Variants in NALCN observed in about 807,000 individuals in gnomAD.
NALCN encodes sodium leak channel NALCN.
In NALCN, 111 loss-of-function variants were observed where a neutral mutation model predicts 225.3. The ratio of observed to expected loss-of-function variants is 0.49; its 90% confidence interval spans 0.42 to 0.58. The LOEUF (loss-of-function observed/expected upper bound fraction) is 0.58. Ranked by LOEUF, NALCN falls within the 20% of genes least tolerant of loss-of-function variation. NALCN has a pLI of 0.00. For synonymous variants in NALCN, 764 were observed against 769.0 expected (o/e 0.99, Z 0.11); for missense variants, 1,378 against 2,202.4 (o/e 0.63, Z 7.49).
chr13:101,136,307 T>C (rs1314904868), intron 17 of NALCN, among the ~76,000 whole-genome samples: 1 of 52 alleles, frequency 0.019, no homozygotes, highest in Non-Finnish European at 0.033. Flanking sequence ...TATTTATTTA[T>C]TTATTTATAT....
chr13:101,397,066 T>TTATATA lies in NALCN; in HGVS notation c.109-1707_109-1702dup, dbSNP rs368771604. ...AAGAAGTAAAACACCTATGAATGTATTATATATATATATATATATATATAT... is the reference window on the plus strand; with the variant it reads ...AAGAAGTAAAACACCTATGAATGTATTATATATATATATATATATATATATATATAT... On this transcript the variant is annotated intron_variant, in intron 2 of 43. Transcript: ENST00000251127. Among the ~76,000 whole-genome samples the TTATATA allele has an allele frequency of 5.8e-3, 328 of 56,110 alleles. 1 individual carries two copies. The highest frequency in any genetic ancestry group is 0.01 in the Middle Eastern group (1 of 96). 36.8% of individuals were successfully genotyped at this position (56,110 alleles called of 152,430 possible).
intron 7 of NALCN, among the ~76,000 whole-genome samples, chr13:101,311,802 G>T (rs1325309658): frequency 6.6e-6 from 1 of 152,144 alleles, no homozygotes; most frequent in Non-Finnish European, 1.5e-5. Flanking sequence ...GTTCATCAAA[G>T]ATATTGGTCT....
Position 101,258,533 on chromosome 13 carries a change from G to A in NALCN, c.1176C>T (p.Ser392=), listed in dbSNP as rs1199264158. 1 of 1,614,208 alleles carries A rather than the reference G, an allele frequency of 6.2e-7. No individual in the cohort carries two copies. The highest frequency in any genetic ancestry group is 8.5e-7 in the Non-Finnish European group (1 of 1,180,038). The change falls in exon 11 of 44, where the codon AGC becomes AGT. Residue 392 remains serine (S), a synonymous_variant. Coordinates refer to ENST00000251127, the MANE Select transcript of NALCN (RefSeq NM_052867.4). ...CCACGATCACGTCCACGGTCACCAT[G>A]CTCAGGATGAACATGTGGAAAACGG... The part of the protein sequence containing the change: ...RSSVFHMFIL[S]MVTVDVIVAA...
intron 15 of NALCN, among the ~76,000 whole-genome samples, chr13:101,173,558 A>G (rs2038835661): frequency 6.6e-6 from 1 of 152,170 alleles, no homozygotes; most frequent in East Asian, 1.9e-4. Context: ...GTGAAAACAT[A>G]AAACACTTGA....
chr13:101,410,074 C>A (rs1328838265), intron 1 of NALCN, among the ~76,000 whole-genome samples: 2 of 152,186 alleles, frequency 1.3e-5, no homozygotes, highest in Admixed American at 6.5e-5. Context: ...GCACCTTGAT[C>A]TTGGACTTCT....
At chr13:101,064,784 T>G (rs554009675) in intron 40 of NALCN, among the ~76,000 whole-genome samples, 1 of 152,216 alleles carries the variant, frequency 6.6e-6, no homozygotes, top group South Asian at 2.1e-4. Flanking sequence ...ACCATACCTT[T>G]CTGTTGTTTA....
At chr13:101,211,154 G>A (rs185437928) in intron 13 of NALCN, among the ~76,000 whole-genome samples, 36 of 152,224 alleles carry the variant, frequency 2.4e-4, no homozygotes, top group African/African-American at 8.7e-4. Flanking sequence ...AATGGAATGA[G>A]ACAATACTTT....
chr13:101,350,375 C>G (rs571612428), intron 6 of NALCN, among the ~76,000 whole-genome samples: 1 of 152,106 alleles, frequency 6.6e-6, no homozygotes, highest in African/African-American at 2.4e-5. Context: ...TTTGGTTAAC[C>G]CCATTTTTGT....
intron 15 of NALCN, among the ~76,000 whole-genome samples, chr13:101,159,426 T>C (rs2038057222): frequency 6.6e-6 from 1 of 152,280 alleles, no homozygotes; most frequent in Non-Finnish European, 1.5e-5. Flanking sequence ...CTCCGGGTGG[T>C]TACTAACATG....
At chr13:101,344,467 G>A (rs1441864138) in intron 7 of NALCN, among the ~76,000 whole-genome samples, 1 of 152,102 alleles carries the variant, frequency 6.6e-6, no homozygotes, top group Non-Finnish European at 1.5e-5. Context: ...CTATATAAAA[G>A]CTGTAACTTT....
At chr13:101,408,106 C>T (rs2139544498) in intron 1 of NALCN, among the ~76,000 whole-genome samples, 1 of 152,304 alleles carries the variant, frequency 6.6e-6, no homozygotes, top group East Asian at 1.9e-4. Context: ...TTCTGATTGC[C>T]ACCCCAGGAA....
At chr13:101,135,078 C>G (rs1438555152) in intron 17 of NALCN, among the ~76,000 whole-genome samples, 1 of 152,186 alleles carries the variant, frequency 6.6e-6, no homozygotes, top group African/African-American at 2.4e-5. Context: ...GCCTGTAGTC[C>G]CAGCTACTCA....
intron 13 of NALCN, among the ~76,000 whole-genome samples, chr13:101,223,888 T>C (rs1296983456): frequency 3.3e-5 from 5 of 152,136 alleles, no homozygotes; most frequent in African/African-American, 1.2e-4. Flanking sequence ...TTTGGGAATA[T>C]GCTGACAAAC....
At chr13:101,113,831 G>A (rs535261465) in intron 18 of NALCN, among the ~76,000 whole-genome samples, 1 of 152,288 alleles carries the variant, frequency 6.6e-6, no homozygotes, top group African/African-American at 2.4e-5. Context: ...AACGCTCATG[G>A]CATTTTGTTA....
chr13:101,276,619 T>A (rs2042981145), intron 10 of NALCN, among the ~76,000 whole-genome samples: 1 of 152,234 alleles, frequency 6.6e-6, no homozygotes, highest in Non-Finnish European at 1.5e-5. Context: ...GCTATGATTG[T>A]AATTGTAATT....
At chr13:101,224,483 G>A (rs980453021) in intron 13 of NALCN, among the ~76,000 whole-genome samples, 22 of 151,978 alleles carry the variant, frequency 1.4e-4, no homozygotes, top group African/African-American at 5.3e-4. Flanking sequence ...ACTCCTCACT[G>A]CTCTCAAACT....
chr13:101,247,891 C>T (rs2041947693), intron 11 of NALCN, among the ~76,000 whole-genome samples: 1 of 152,088 alleles, frequency 6.6e-6, no homozygotes, highest in African/African-American at 2.4e-5. Context: ...TATCCAGCTC[C>T]CACTTATAAG....
At chr13:101,312,141 T>C (rs1320876379) in intron 7 of NALCN, among the ~76,000 whole-genome samples, 2 of 152,232 alleles carry the variant, frequency 1.3e-5, no homozygotes, top group African/African-American at 4.8e-5. Context: ...TTCTAGTTTA[T>C]TTGCGTAGAG....
intron 37 of NALCN, among the ~76,000 whole-genome samples, chr13:101,072,958 A>C (rs2032998895): frequency 6.6e-6 from 1 of 152,164 alleles, no homozygotes; most frequent in South Asian, 2.1e-4. Context: ...TCCTACGGTG[A>C]GAAAGAGATA....
Sources: gnomAD v4.1 joint callset for allele counts (sites outside exome capture counted in the v4.1 genomes callset) on GRCh38, gnomAD v4.1.1 for gene constraint, MANE v1.5 for transcripts, NCBI Gene and HGNC (gene_info 2026-07-23, HGNC 2026-07-21) for gene names.